Variants in CDH13 observed in about 807,000 individuals in gnomAD.
CDH13 encodes cadherin 13.
Under a neutral mutation model 63.8 loss-of-function variants are expected in CDH13, and 24 were observed. The ratio of observed to expected loss-of-function variants is 0.38; its 90% CI spans 0.27 to 0.53. CDH13 has a LOEUF of 0.53. Ranked by LOEUF, CDH13 falls within the 20% of genes least tolerant of loss-of-function variation. CDH13 has a pLI of 0.85. For synonymous variants in CDH13, 503 were observed against 355.3 expected (o/e 1.42, Z -4.67); for missense variants, 1,049 against 903.1 (o/e 1.16, Z -2.07).
At chr16:83,272,496 T>C (rs763765349) in intron 5 of CDH13, among the ~76,000 whole-genome samples, 1 of 152,250 alleles carries the variant, frequency 6.6e-6, no homozygotes, top group Non-Finnish European at 1.5e-5. Flanking sequence ...CAAACTTGAA[T>C]TTTTAAAGTC....
At position 83,099,535 on chromosome 16, in the gene CDH13, G is replaced by A. The variant is rs143901630; in HGVS notation, c.367-25850G>A. Reference sequence around the variant, plus strand: ...GACAGGGTTTTGCCATGTTGGCCAGGCTGGTCTCGAAGTCCTAACCTCATG... The same window carrying A: ...GACAGGGTTTTGCCATGTTGGCCAGACTGGTCTCGAAGTCCTAACCTCATG... On this transcript the variant is annotated intron_variant, in intron 3 of 13. Transcript: ENST00000567109. Among the ~76,000 whole-genome samples, 974 of 150,944 alleles carry A rather than the reference G, an allele frequency of 6.5e-3. 17 individuals are homozygous for A. Among genetic ancestry groups the A allele is most frequent in the African/African-American group, 0.023 (944 of 41,218 alleles).
chr16:82,699,114 T>C (rs10871435), intron 1 of CDH13, among the ~76,000 whole-genome samples: 149,483 of 152,280 alleles, frequency 0.98, 73,436 homozygotes, highest in Middle Eastern at 1. Flanking sequence ...ATTTTGATAC[T>C]TGTCATTTAA....
At chr16:83,398,852 C>T (rs1408408242) in intron 6 of CDH13, among the ~76,000 whole-genome samples, 1 of 152,162 alleles carries the variant, frequency 6.6e-6, no homozygotes, top group Admixed American at 6.5e-5. Context: ...AAGCCAGATG[C>T]ATAGCTCTTC....
intron 6 of CDH13, among the ~76,000 whole-genome samples, chr16:83,373,980 A>G (rs999098985): frequency 2.0e-5 from 3 of 152,180 alleles, no homozygotes; most frequent in African/African-American, 7.2e-5. Flanking sequence ...CTGATCTCCA[A>G]ACGCAACAGG....
intron 6 of CDH13, among the ~76,000 whole-genome samples, chr16:83,357,369 A>G (rs1305696708): frequency 6.6e-6 from 1 of 152,232 alleles, no homozygotes; most frequent in Non-Finnish European, 1.5e-5. Flanking sequence ...ACATACACAC[A>G]CATGAAATCA....
intron 7 of CDH13, among the ~76,000 whole-genome samples, chr16:83,549,430 A>G (rs2075449642): frequency 6.6e-6 from 1 of 152,208 alleles, no homozygotes; most frequent in Non-Finnish European, 1.5e-5. Context: ...AGCAGCCTGT[A>G]TCAAGGGGAA....
At position 83,353,448 on chromosome 16, in the gene CDH13, T is replaced by C. The variant is rs191603549; in HGVS notation, c.781+8442T>C. ...CATGTTAGGACCCTTGGCTGCTGGC[T>C]CATGGGAGCTGGATACCAAAGCATC... On this transcript the variant is annotated intron_variant, in intron 6 of 13. Coordinates refer to ENST00000567109, the MANE Select transcript of CDH13 (RefSeq NM_001257.5). Among the ~76,000 whole-genome samples, 566 of 152,376 alleles carry C rather than the reference T, an allele frequency of 3.7e-3. 6 individuals carry two copies. Among genetic ancestry groups the C allele is most frequent in the African/African-American group, 0.013 (542 of 41,590 alleles).
Position 83,670,909 on chromosome 16 carries a change from C to A in CDH13, c.1221C>A (p.Pro407=), listed in dbSNP as rs150404888. 9 of 1,612,862 alleles carry A rather than the reference C, an allele frequency of 5.6e-6. No homozygotes were observed. Among genetic ancestry groups the A allele is most frequent in the Admixed American group, 5.0e-5 (3 of 59,962 alleles). Reference sequence around the variant, plus strand: ...CCTACACCATCATCAACGGAAACCCCGGGCAGAGCTTTGAAATCCACACCA... The same window carrying A: ...CCTACACCATCATCAACGGAAACCCAGGGCAGAGCTTTGAAATCCACACCA... ...RAAYTIINGN[P]GQSFEIHTNP... is the part of the protein sequence containing the mutation. The change falls in exon 9 of 14, where the codon CCC becomes CCA. Residue 407 remains proline, a synonymous_variant. Coordinates refer to ENST00000567109, the MANE Select transcript of CDH13 (RefSeq NM_001257.5).
In CDH13 at chr16:83,602,132, AAAAAAAAAAAAC is replaced by A. The variant is rs1477764319; in HGVS notation, c.961-321_961-310del. On this transcript the variant is annotated intron_variant, in intron 7 of 13. Coordinates refer to ENST00000567109, the MANE Select transcript of CDH13 (RefSeq NM_001257.5). ...CAAAAAAAAAAAAAAAAAAAAAAAA[AAAAAAAAAAAAC>A]CCAAAGGACAATGTATACCCAAGCC... Among the ~76,000 whole-genome samples the A allele has an allele frequency of 4.2e-3, 412 of 97,648 alleles. 21 individuals are homozygous for A. Among genetic ancestry groups the A allele is most frequent in the African/African-American group, 0.022 (385 of 17,364 alleles). 64.1% of individuals were successfully genotyped at this position (97,648 alleles called of 152,430 possible). A position where few individuals can be genotyped will look rare whatever the true frequency, so the allele number is the denominator to read the frequency against.
chr16:83,034,163 A>G (rs1916636893), intron 3 of CDH13, among the ~76,000 whole-genome samples: 2 of 152,078 alleles, frequency 1.3e-5, no homozygotes, highest in South Asian at 2.1e-4. Context: ...GTGCCACCCT[A>G]CTGTCACCGT....
intron 3 of CDH13, among the ~76,000 whole-genome samples, chr16:83,094,693 C>T (rs532275211): frequency 6.6e-6 from 1 of 152,292 alleles, no homozygotes; most frequent in African/African-American, 2.4e-5. Flanking sequence ...CAAATCCCAT[C>T]GTCCTGTATT....
chr16:83,492,923 T>G (rs1256054836), intron 7 of CDH13, among the ~76,000 whole-genome samples: 1 of 152,204 alleles, frequency 6.6e-6, no homozygotes, highest in African/African-American at 2.4e-5. Flanking sequence ...GCTAAGACCG[T>G]GGCTAGTCTC....
intron 10 of CDH13, among the ~76,000 whole-genome samples, chr16:83,745,794 A>G (rs1210139862): frequency 1.3e-5 from 2 of 152,150 alleles, no homozygotes; most frequent in Non-Finnish European, 1.5e-5. Flanking sequence ...GCTTCCACCT[A>G]CATCTGAATA....
rs755517795 is a variant in CDH13 at position 83,798,460 on chromosome 16, T to G, written c.*3430T>G. 2.0e-5 allele frequency: 3 copies of G among 152,236 alleles called. No homozygotes were observed. The highest frequency in any genetic ancestry group is 2.1e-4 in the South Asian group (1 of 4,834). 9.4% of individuals were successfully genotyped at this position (152,236 alleles called of 1,614,324 possible). A position where few individuals can be genotyped will look rare whatever the true frequency, so the allele number is the denominator to read the frequency against. On this transcript the variant is annotated 3_prime_UTR_variant, in exon 14 of 14. Coordinates refer to ENST00000567109, the MANE Select transcript of CDH13 (RefSeq NM_001257.5). ...CCACACTGTACAAAATCCTTACAGATAGTAACTCATTAATCCCTCCAGTAA... is the reference window on the plus strand; with the variant it reads ...CCACACTGTACAAAATCCTTACAGAGAGTAACTCATTAATCCCTCCAGTAA...
chr16:82,877,512 C>T (rs2040544310), intron 2 of CDH13, among the ~76,000 whole-genome samples: 1 of 152,142 alleles, frequency 6.6e-6, no homozygotes, highest in Admixed American at 6.5e-5. Flanking sequence ...ACATTTGTTC[C>T]ATGTTAGCAT....
Position 83,533,849 on chromosome 16 carries a change from G to C in CDH13, c.960+47194G>C, listed in dbSNP as rs113599160. Among the ~76,000 whole-genome samples the C allele has an allele frequency of 5.0e-3, 764 of 152,088 alleles. 10 individuals are homozygous for C. Among genetic ancestry groups the C allele is most frequent in the African/African-American group, 0.018 (741 of 41,478 alleles). ...TTGCCCAGGCTAGTCTCAAACTCCT[G>C]ACCCCAAGTGATCCGCCCACCTCAG... is the stretch of plus-strand genomic sequence containing the variant. On this transcript the variant is annotated intron_variant, in intron 7 of 13. Coordinates refer to ENST00000567109, the MANE Select transcript of CDH13 (RefSeq NM_001257.5).
chr16:82,838,446 C>T (rs751335195), intron 1 of CDH13, among the ~76,000 whole-genome samples: 23 of 152,014 alleles, frequency 1.5e-4, no homozygotes, highest in Non-Finnish European at 2.9e-4. Flanking sequence ...CAAATGAAGC[C>T]CCCACACCCT....
intron 7 of CDH13, among the ~76,000 whole-genome samples, chr16:83,590,448 G>A (rs1270790710): frequency 6.6e-6 from 1 of 152,150 alleles, no homozygotes; most frequent in African/African-American, 2.4e-5. Context: ...GATCCCTCCG[G>A]GAAGAACGGC....
chr16:82,659,386 G>A (rs528493658), intron 1 of CDH13, among the ~76,000 whole-genome samples: 1 of 152,334 alleles, frequency 6.6e-6, no homozygotes, highest in South Asian at 2.1e-4. Flanking sequence ...AATAGCAGGA[G>A]CAAGGCTACG....
Sources: allele counts gnomAD v4.1 joint callset (sites outside exome capture counted in the v4.1 genomes callset), GRCh38; gene constraint gnomAD v4.1.1; transcripts MANE v1.5; gene names NCBI Gene and HGNC (gene_info 2026-07-23, HGNC 2026-07-21).